MCF2: variants seen among roughly 807,000 people sequenced by gnomAD.
The protein encoded by MCF2 is MCF.2 cell line derived transforming sequence.
Under a neutral mutation model 82.5 loss-of-function variants are expected in MCF2, and 44 were observed. The observed-to-expected ratio is 0.53, with a 90% CI of 0.42 to 0.69. The LOEUF is 0.69. MCF2 is among the 30% of genes least tolerant of loss of function. MCF2 has a pLI of 0.00. For missense variants in MCF2, 623 were observed against 663.1 expected, an observed-to-expected ratio of 0.94 and a Z score of 0.66; for synonymous variants, 217 against 224.9, an observed-to-expected ratio of 0.96 and a Z score of 0.32.
chrX:139,591,074 C>T (rs1369229269), intron 19 of MCF2, among the ~76,000 whole-genome samples: 1 of 110,948 alleles, frequency 9.0e-6, no homozygotes. Flanking sequence ...TGTTTCATTA[C>T]ATGGTTTTGT....
chrX:139,642,744 T>C, exon 1 of MCF2: 2 of 1,060,321 alleles, frequency 1.9e-6, no homozygotes, highest in South Asian at 4.8e-5. Context: ...CTTCTGCTCC[T>C]TGTAATTCAG....
At chrX:139,617,443 T>C in intron 8 of MCF2, 70 bp downstream of exon 11, 1 of 882,060 alleles carries the variant, frequency 1.1e-6, no homozygotes, top group South Asian at 3.2e-5. Context: ...GGCAAGGTGC[T>C]TCAGGCTAGC....
chrX:139,630,863 G>C (rs1364028742), intron 3 of MCF2, among the ~76,000 whole-genome samples: 1 of 111,886 alleles, frequency 8.9e-6, no homozygotes, highest in Non-Finnish European at 1.9e-5. Flanking sequence ...AGCATCACTA[G>C]AATAATGAGA....
rs762557690 is a variant in MCF2 at position 139,587,049 on chromosome X, A to C, written c.2523-562T>G. Among the ~76,000 whole-genome samples the C allele has an allele frequency of 3.6e-5, 4 of 112,132 alleles. No homozygotes were observed. In the East Asian group the frequency reaches 1.1e-3, roughly 31 times the overall value. On this transcript the variant is annotated intron_variant, in intron 22 of 24. Coordinates refer to ENST00000370576, the Ensembl canonical transcript of MCF2. ...TACCTCAGAAAGATGACATGCAGCGAAGGAAAAAACAGTATTTCTAATAAG... is the reference window on the plus strand; with the variant it reads ...TACCTCAGAAAGATGACATGCAGCGCAGGAAAAAACAGTATTTCTAATAAG...
intron 2 of MCF2, among the ~76,000 whole-genome samples, chrX:139,648,274 A>AG (rs1490567469): frequency 2.7e-5 from 3 of 110,592 alleles, no homozygotes; most frequent in African/African-American, 9.9e-5. Context: ...CCGGAGGTTG[A>AG]GGCAGGAGAA....
intron 1 of MCF2, among the ~76,000 whole-genome samples, chrX:139,663,912 A>G (rs1158862876): frequency 3.6e-5 from 4 of 111,410 alleles, no homozygotes; most frequent in Non-Finnish European, 1.9e-5. Context: ...TTAATTATAT[A>G]TAATGACCTC....
chrX:139,594,345 C>A (rs1294614164), intron 19 of MCF2, among the ~76,000 whole-genome samples: 1 of 111,599 alleles, frequency 9.0e-6, no homozygotes, highest in Non-Finnish European at 1.9e-5. Flanking sequence ...GCTACACTAA[C>A]CAAAACAGCA....
intron 22 of MCF2, among the ~76,000 whole-genome samples, 169 bp from the exon 27 acceptor site, chrX:139,586,656 A>G (rs919117274): frequency 1.8e-5 from 2 of 111,752 alleles, no homozygotes; most frequent in African/African-American, 6.5e-5. Context: ...GTTATAATAT[A>G]CAAAAGCTTA....
intron 1 of MCF2, chrX:139,691,837 G>T (rs1268336857): frequency 1.2e-5 from 10 of 843,282 alleles, no homozygotes; most frequent in Non-Finnish European, 1.7e-5. Flanking sequence ...AAGCCGGCCG[G>T]GCTGGGGAGG....
chrX:139,604,774 A>T (rs956977062), intron 14 of MCF2, 24 bp from the exon 19 acceptor site: 2 of 1,149,869 alleles, frequency 1.7e-6, no homozygotes, highest in Non-Finnish European at 2.4e-6. Context: ...AGAGAAAAAA[A>T]ATTGCATGAT....
At chrX:139,660,162 C>T (rs1934317591) in intron 1 of MCF2, among the ~76,000 whole-genome samples, 1 of 111,762 alleles carries the variant, frequency 8.9e-6, no homozygotes. Flanking sequence ...AAAGCTTTTA[C>T]CATGTCATCT....
chrX:139,635,279 G>C (rs754530700), intron 1 of MCF2, among the ~76,000 whole-genome samples: 5 of 110,191 alleles, frequency 4.5e-5, no homozygotes, highest in Admixed American at 3.9e-4. Flanking sequence ...GAGAGAGACA[G>C]AGAAACAGAG....
At chrX:139,674,879 G>T (rs1176508857) in intron 1 of MCF2, among the ~76,000 whole-genome samples, 1 of 111,982 alleles carries the variant, frequency 8.9e-6, no homozygotes, top group African/African-American at 3.2e-5. Context: ...TGCCTTGCTA[G>T]GTTGGGGAAG....
intron 1 of MCF2, among the ~76,000 whole-genome samples, chrX:139,652,017 C>G (rs1934038314): frequency 9.0e-6 from 1 of 110,954 alleles, no homozygotes; most frequent in Non-Finnish European, 1.9e-5. Flanking sequence ...GAATCTATGC[C>G]CAAAACATAA....
chrX:139,625,076 T>A (rs946588413), intron 6 of MCF2, among the ~76,000 whole-genome samples: 3 of 111,461 alleles, frequency 2.7e-5, no homozygotes, highest in African/African-American at 6.5e-5. Flanking sequence ...CGTGTTTTTT[T>A]AAAAAGTCAT....
chrX:139,626,646 A>T, exon 5 of MCF2: 2 of 1,209,155 alleles, frequency 1.7e-6, no homozygotes, highest in Non-Finnish European at 2.2e-6. Flanking sequence ...GCCAGTCACC[A>T]CTTATTTGCC....
intron 11 of MCF2, among the ~76,000 whole-genome samples, chrX:139,609,381 A>C (rs1050040790): frequency 9.0e-6 from 1 of 111,501 alleles, no homozygotes; most frequent in Non-Finnish European, 1.9e-5. Flanking sequence ...CCTGTCTATC[A>C]AAAAAAGTGT....
chrX:139,692,633 C>G (rs1318892909), intron 1 of MCF2, among the ~76,000 whole-genome samples: 1 of 111,940 alleles, frequency 8.9e-6, no homozygotes, highest in East Asian at 2.8e-4. Context: ...ACAGCCCAGC[C>G]TCGCACTCTC....
chrX:139,671,472 T>C (rs1481755289), intron 1 of MCF2, among the ~76,000 whole-genome samples: 1 of 111,765 alleles, frequency 8.9e-6, no homozygotes, highest in Non-Finnish European at 1.9e-5. Flanking sequence ...CTTTAATCCA[T>C]CTTGAATTAA....
Sources: gnomAD v4.1 joint callset for allele counts (sites outside exome capture counted in the v4.1 genomes callset) on GRCh38, gnomAD v4.1.1 for gene constraint, MANE v1.5 for transcripts, NCBI Gene and HGNC (gene_info 2026-07-23, HGNC 2026-07-21) for gene names.